Variants in TTL observed in about 807,000 individuals in gnomAD.
TTL encodes tubulin--tyrosine ligase.
TTL carries 10 observed loss-of-function variants against 41.1 expected under a neutral mutation model. The ratio of observed to expected loss-of-function variants is 0.24; its 90% CI spans 0.15 to 0.41. The LOEUF (loss-of-function observed/expected upper bound fraction) is 0.41, where lower values mean the gene tolerates loss of function less well. Ranked by LOEUF, TTL falls within the 10% of genes least tolerant of loss-of-function variation. The pLI, the probability that TTL is intolerant of heterozygous loss-of-function variation, is 1.00. For missense variants in TTL, 367 were observed against 460.4 expected (o/e 0.80, Z 1.86); for synonymous variants, 175 against 175.5 (o/e 1.00, Z 0.02).
chr2:112,498,086 A>G (rs1304651435), intron 3 of TTL, among the ~76,000 whole-genome samples: 2 of 152,214 alleles, frequency 1.3e-5, no homozygotes, highest in Non-Finnish European at 1.5e-5. Flanking sequence ...CACTTTGAGA[A>G]TCCAAGGCGG....
Position 112,532,205 on chromosome 2 carries a change from G to A in TTL, c.*3410G>A, listed in dbSNP as rs184201362. On this transcript the variant is annotated 3_prime_UTR_variant, in exon 7 of 7. Coordinates refer to ENST00000233336, the MANE Select transcript of TTL (RefSeq NM_153712.5). ...GAGGTCCAGCCCTCTTGCAAGTGTGGTGAGAGGCTCTACTAGCAAAGACAT... is the reference window on the plus strand; with the variant it reads ...GAGGTCCAGCCCTCTTGCAAGTGTGATGAGAGGCTCTACTAGCAAAGACAT... The A allele has an allele frequency of 6.6e-4, 151 of 227,418 alleles. No homozygotes were observed. The highest frequency in any genetic ancestry group is 1.9e-3 in the Admixed American group (34 of 17,550). The allele number at this position is 227,418 out of a possible 1,614,324, so 14.1% of individuals were successfully genotyped here.
intron 2 of TTL, among the ~76,000 whole-genome samples, chr2:112,491,177 G>GAGAT (rs2104449717): frequency 6.6e-6 from 1 of 152,122 alleles, no homozygotes; most frequent in East Asian, 1.9e-4. Flanking sequence ...ATTTTTAGTA[G>GAGAT]AGATAGGGTT....
intron 5 of TTL, among the ~76,000 whole-genome samples, chr2:112,518,450 A>G (rs1340804868): frequency 6.6e-6 from 1 of 151,930 alleles, no homozygotes; most frequent in East Asian, 1.9e-4. Context: ...TTAAGCCAAA[A>G]TAGTTTTTAA....
intron 5 of TTL, among the ~76,000 whole-genome samples, chr2:112,516,864 A>C (rs1682084880): frequency 6.6e-6 from 1 of 152,150 alleles, no homozygotes; most frequent in South Asian, 2.1e-4. Flanking sequence ...TTCTTCAGGG[A>C]ATATAGGTGG....
rs1326612698 is a variant in TTL at position 112,540,073 on chromosome 2, G to A, written c.*11278G>A. 6.6e-6 allele frequency: 1 copy of A among 152,198 alleles called. No individual in the cohort carries two copies. The highest frequency in any genetic ancestry group is 1.9e-4 in the East Asian group (1 of 5,200). The allele number at this position is 152,198 out of a possible 1,614,324, so 9.4% of individuals were successfully genotyped here. ...ATTGGGAGATAATTATTGTTAGGAT[G>A]AAAATAGGCCCCAAATTGATCTACC... On this transcript the variant is annotated 3_prime_UTR_variant, in exon 7 of 7. Transcript: ENST00000233336.
chr2:112,530,044 A>G lies in TTL; in HGVS notation c.*1249A>G, dbSNP rs373667898. On this transcript the variant is annotated 3_prime_UTR_variant, in exon 7 of 7. Transcript: ENST00000233336. Reference sequence around the variant, plus strand: ...TTTGTGTTCAGTGTAAGCTGAGTAAACAGGCCCTTCCTAGAGTGTCCTGGA... The same window carrying G: ...TTTGTGTTCAGTGTAAGCTGAGTAAGCAGGCCCTTCCTAGAGTGTCCTGGA... 2.9e-4 allele frequency: 67 copies of G among 230,278 alleles called. 1 individual carries two copies. Among genetic ancestry groups the G allele is most frequent in the East Asian group, 1.5e-3 (25 of 16,156 alleles). The allele number at this position is 230,278 out of a possible 1,614,324, so 14.3% of individuals were successfully genotyped here.
chr2:112,520,182 A>C, intron 5 of TTL, 100 bp from the exon 6 acceptor site: 2 of 1,246,674 alleles, frequency 1.6e-6, no homozygotes, highest in Non-Finnish European at 2.3e-6. Context: ...ATAAGCTGAT[A>C]TTTGTATTCA....
intron 5 of TTL, among the ~76,000 whole-genome samples, chr2:112,516,668 C>T (rs1205401306): frequency 6.6e-6 from 1 of 152,072 alleles, no homozygotes; most frequent in East Asian, 1.9e-4. Flanking sequence ...AGCAAGATTC[C>T]ATCTCAGAAA....
chr2:112,501,326 G>A lies in TTL; in HGVS notation c.590G>A (p.Arg197His), dbSNP rs747027341. 10 of 1,601,270 alleles carry A rather than the reference G, an allele frequency of 6.2e-6. No individual in the cohort carries two copies. Among genetic ancestry groups the A allele is most frequent in the Admixed American group, 3.4e-5 (2 of 58,670 alleles). Residue 197 changes from arginine to histidine, a missense_variant, in exon 4 of 7, where the codon CGC becomes CAC. By Grantham distance (29) the Arg-to-His change is conservative. Transcript: ENST00000233336. The stretch of plus-strand genomic sequence containing the variant: ...CCTCTGCTGCTTGAGCCAGGTCATC[G>A]CAAGTTTGACATCCGGTAATGCATT... ...EHPLLLEPGH[R>H]KFDIRSWVLV...
intron 6 of TTL, among the ~76,000 whole-genome samples, chr2:112,523,477 T>C (rs1682296117): frequency 6.6e-6 from 1 of 151,508 alleles, no homozygotes; most frequent in African/African-American, 2.4e-5. Flanking sequence ...CCCCTGTCAC[T>C]GGGGAGTCTT....
At chr2:112,494,800 A>T (rs1283898726) in intron 3 of TTL, among the ~76,000 whole-genome samples, 1 of 152,190 alleles carries the variant, frequency 6.6e-6, no homozygotes, top group Non-Finnish European at 1.5e-5. Context: ...AATTCTTGCT[A>T]GCTCTACCTT....
chr2:112,503,591 G>A (rs192472933), intron 5 of TTL, among the ~76,000 whole-genome samples: 19 of 148,576 alleles, frequency 1.3e-4, no homozygotes, highest in Admixed American at 3.3e-4. Flanking sequence ...GTGCCACCAC[G>A]CTGGGCTAAT....
chr2:112,520,405 C>T lies in TTL; in HGVS notation c.999C>T (p.Asn333=), dbSNP rs753912555. The change falls in exon 6 of 7, where the codon AAC becomes AAT. Residue 333 remains asparagine (N), a synonymous_variant. Transcript: ENST00000233336. ...TGAAGGTGTGGCTCATTGAGGTCAACGGTGCCCCTGCATGTGCTCAGTAAG... is the reference window on the plus strand; with the variant it reads ...TGAAGGTGTGGCTCATTGAGGTCAATGGTGCCCCTGCATGTGCTCAGTAAG... ...EELKVWLIEV[N]GAPACAQKLY... 1.4e-5 allele frequency: 23 copies of T among 1,613,848 alleles called. No homozygotes were observed. The highest frequency in any genetic ancestry group is 4.5e-5 in the East Asian group (2 of 44,884).
rs201691891 is a variant in TTL at position 112,494,341 on chromosome 2, C to T, written c.435C>T (p.Asn145=). ...GAAAGAAAGAGGATGGAGAGGGCAA[C>T]GTTTGGATTGCAAAGTCATCAGCCG... ...YNRKKEDGEG[N]VWIAKSSAGA... Residue 145 remains asparagine (N), a synonymous_variant, in exon 3 of 7, where the codon AAC becomes AAT. Coordinates refer to ENST00000233336, the MANE Select transcript of TTL (RefSeq NM_153712.5). 6.8e-4 allele frequency: 1,097 copies of T among 1,614,116 alleles called. 12 individuals are homozygous for T. The Admixed American group carries it at 0.017, about 25-fold the overall frequency.
chr2:112,502,129 T>G (rs904796204), intron 4 of TTL, among the ~76,000 whole-genome samples: 2 of 152,160 alleles, frequency 1.3e-5, no homozygotes, highest in Admixed American at 1.3e-4. Flanking sequence ...GGTTGTGTGG[T>G]GCATTCTAAA....
At chr2:112,528,205 T>G (rs555525338) in intron 6 of TTL, among the ~76,000 whole-genome samples, 71 of 152,348 alleles carry the variant, frequency 4.7e-4, no homozygotes, top group African/African-American at 1.7e-3. Context: ...TAGGCTTCCC[T>G]TTGTGGGTAA....
chr2:112,511,147 C>T (rs1459190709), intron 5 of TTL, among the ~76,000 whole-genome samples: 5 of 152,018 alleles, frequency 3.3e-5, no homozygotes, highest in Admixed American at 2.6e-4. Context: ...GCTGGGACTA[C>T]AGGTGCATGC....
chr2:112,500,451 A>G (rs1275108796), intron 3 of TTL, among the ~76,000 whole-genome samples: 2 of 152,072 alleles, frequency 1.3e-5, no homozygotes, highest in Non-Finnish European at 2.9e-5. Context: ...CACGCCTGTA[A>G]TCCCAGCTAC....
Position 112,539,349 on chromosome 2 carries a change from G to A in TTL, c.*10554G>A. 1 of 151,612 alleles carries A rather than the reference G, an allele frequency of 6.6e-6. No homozygotes were observed. The highest frequency in any genetic ancestry group is 1.9e-4 in the East Asian group (1 of 5,194). The allele number at this position is 151,612 out of a possible 1,614,324, so 9.4% of individuals were successfully genotyped here. On this transcript the variant is annotated 3_prime_UTR_variant, in exon 7 of 7. Coordinates refer to ENST00000233336, the MANE Select transcript of TTL (RefSeq NM_153712.5). The stretch of plus-strand genomic sequence containing the variant: ...CGTTGAGAAGGGGAAAAGAAAGAAT[G>A]CAAGGTTTTTTTAACATACAAAATT...
Sources: gnomAD v4.1 joint callset for allele counts (sites outside exome capture counted in the v4.1 genomes callset) on GRCh38, gnomAD v4.1.1 for gene constraint, MANE v1.5 for transcripts, NCBI Gene and HGNC (gene_info 2026-07-23, HGNC 2026-07-21) for gene names.